Variants in RELT observed in about 807,000 individuals in gnomAD.
The protein encoded by RELT is tumor necrosis factor receptor superfamily member 19L.
In RELT, 37 loss-of-function variants were observed where a neutral mutation model predicts 51.1. The ratio of observed to expected loss-of-function variants is 0.72; its 90% CI spans 0.56 to 0.95. The LOEUF is 0.95. Among genes scored for constraint, RELT ranks in the 40% least tolerant of loss-of-function variants. The pLI, the probability that RELT is intolerant of heterozygous loss-of-function variation, is 0.00. For missense variants in RELT, 535 were observed against 572.6 expected (o/e 0.93, Z 0.67); for synonymous variants, 241 against 235.7 (o/e 1.02, Z -0.21).
chr11:73,389,192 G>T lies in RELT; in HGVS notation c.45+11G>T, dbSNP rs1221339949. On this transcript the variant is annotated intron_variant, in intron 2 of 10. Transcript: ENST00000064780. ...TCCTGCTTCCTTATGGTGAGCTGGGGATGGGCCCTGGGAAGGAGAAAAGCC... is the reference window on the plus strand; with the variant it reads ...TCCTGCTTCCTTATGGTGAGCTGGGTATGGGCCCTGGGAAGGAGAAAAGCC... 3.2e-6 allele frequency: 5 copies of T among 1,539,072 alleles called. No homozygotes were observed. The highest frequency in any genetic ancestry group is 1.4e-5 in the African/African-American group (1 of 72,298).
At chr11:73,383,922 G>GTGGCC (rs1300558218) in intron 1 of RELT, among the ~76,000 whole-genome samples, 4 of 152,230 alleles carry the variant, frequency 2.6e-5, no homozygotes, top group African/African-American at 9.6e-5. Flanking sequence ...GGATTTCTCT[G>GTGGCC]TTGATGGGTG....
At chr11:73,387,637 A>T (rs560376829) in intron 1 of RELT, among the ~76,000 whole-genome samples, 1 of 152,174 alleles carries the variant, frequency 6.6e-6, no homozygotes, top group South Asian at 2.1e-4. Context: ...GAGTCCTGAG[A>T]TGATGTAACT....
chr11:73,393,802 C>A (rs777343163), intron 6 of RELT, 35 bp from the exon 7 acceptor site: 13 of 1,608,060 alleles, frequency 8.1e-6, no homozygotes, highest in African/African-American at 1.3e-5. Flanking sequence ...CGGCTTCCCC[C>A]TCTTCCCCAG....
intron 6 of RELT, chr11:73,393,369 ACCCTTGAGATT>A: frequency 8.8e-7 from 1 of 1,137,552 alleles, no homozygotes; most frequent in Non-Finnish European, 1.1e-6. Flanking sequence ...CCATTCTCAC[ACCCTTGAGATT>A]TGGGCCCAAA....
In RELT at chr11:73,394,341, CG is replaced by C; in HGVS notation, c.788+28del. The stretch of plus-strand genomic sequence containing the variant: ...AAGTGAGTGGGCTGGTGGGAGATAA[CG>C]GGGCCAAAACCTACATTAACCAGCC... On this transcript the variant is annotated intron_variant, in intron 8 of 10. Transcript: ENST00000064780. The surrounding 1 kb of genome is among the most constrained non-coding windows in gnomAD (Gnocchi z 4.9). 6.2e-7 allele frequency: 1 copy of C among 1,612,066 alleles called. No homozygotes were observed. The highest frequency in any genetic ancestry group is 8.5e-7 in the Non-Finnish European group (1 of 1,178,940).
At chr11:73,393,008 A>C in intron 6 of RELT, 1 of 1,003,904 alleles carries the variant, frequency 1.0e-6, no homozygotes, top group East Asian at 9.8e-5. Context: ...CTTCTTCCCC[A>C]CACCACTACT....
chr11:73,393,892 G>C lies in RELT; in HGVS notation c.681G>C (p.Leu227=), dbSNP rs749676159. The change falls in exon 7 of 11, where the codon CTG becomes CTC. Residue 227 remains leucine, a synonymous_variant. Coordinates refer to ENST00000064780, the MANE Select transcript of RELT (RefSeq NM_152222.2). ...EDANEDTIGV[L]VRLITEKKEN... ...CCAATGAGGACACCATTGGGGTCCT[G>C]GTGCGCTTGATCACAGAGAAGAAAG... 4 of 1,613,946 alleles carry C rather than the reference G, an allele frequency of 2.5e-6. No individual in the cohort carries two copies. Among genetic ancestry groups the C allele is most frequent in the Non-Finnish European group, 3.4e-6 (4 of 1,179,880 alleles).
chr11:73,388,381 C>A lies in RELT; in HGVS notation c.-25-731C>A, dbSNP rs972889414. Among the ~76,000 whole-genome samples, 2 of 152,196 alleles carry A rather than the reference C, an allele frequency of 1.3e-5. No homozygotes were observed. The highest frequency in any genetic ancestry group is 4.8e-5 in the African/African-American group (2 of 41,440). ...ACAGAGCACTGGCTGCCGTGACCAC[C>A]CCAGCCCCATAGGTCTGCCAGGGGA... On this transcript the variant is annotated intron_variant, in intron 1 of 10. Transcript: ENST00000064780. The surrounding 1 kb of genome is among the most constrained non-coding windows in gnomAD (Gnocchi z 4.1).
chr11:73,377,269 A>AGTGTGTGTGTGTGT (rs369117500), intron 1 of RELT, among the ~76,000 whole-genome samples: 5,860 of 146,128 alleles, frequency 0.04, 435 homozygotes, highest in African/African-American at 0.15. Context: ...AAGTGGTGTC[A>AGTGTGTGTGTGTGT]GTGTGTGTGT....
At position 73,397,152 on chromosome 11, in the gene RELT, C is replaced by G. The variant is rs1388834333; in HGVS notation, c.*1661C>G. On this transcript the variant is annotated 3_prime_UTR_variant, in exon 11 of 11. Coordinates refer to ENST00000064780, the MANE Select transcript of RELT (RefSeq NM_152222.2). ...CTGAGGAAATGCACTGTGTGGAGCC[C>G]GGGAGGTAATTGGGGGTGAGGAAGA... 2 of 152,284 alleles carry G rather than the reference C, an allele frequency of 1.3e-5. No individual in the cohort carries two copies. The highest frequency in any genetic ancestry group is 2.9e-5 in the Non-Finnish European group (2 of 68,122). 9.4% of individuals were successfully genotyped at this position (152,284 alleles called of 1,614,324 possible).
At chr11:73,377,500 G>T (rs1180843234) in intron 1 of RELT, among the ~76,000 whole-genome samples, 1 of 152,072 alleles carries the variant, frequency 6.6e-6, no homozygotes, top group Non-Finnish European at 1.5e-5. Flanking sequence ...AGAAAGCCGA[G>T]GCTGGGCAAC....
In RELT at chr11:73,394,430, C is replaced by T; in HGVS notation, c.789-47C>T. The T allele has an allele frequency of 6.2e-7, 1 of 1,608,064 alleles. No homozygotes were observed. Among genetic ancestry groups the T allele is most frequent in the South Asian group, 1.1e-5 (1 of 90,814 alleles). On this transcript the variant is annotated intron_variant, in intron 8 of 10. Coordinates refer to ENST00000064780, the MANE Select transcript of RELT (RefSeq NM_152222.2). The surrounding 1 kb of genome is among the most constrained non-coding windows in gnomAD (Gnocchi z 4.9). ...TCACCCTGTTCCCTGCTGGGGTCTC[C>T]TGCCCCTGGCCTGGCCTATGGCCAC...
At chr11:73,392,792 G>A in intron 6 of RELT, 1 of 1,264,368 alleles carries the variant, frequency 7.9e-7, no homozygotes, top group Non-Finnish European at 1.0e-6. Flanking sequence ...TGGCCTTGGA[G>A]TTACTCAAGG....
chr11:73,395,660 G>T lies in RELT; in HGVS notation c.*169G>T. On this transcript the variant is annotated 3_prime_UTR_variant, in exon 11 of 11. Transcript: ENST00000064780. ...TGGGAGCGTCTGCCCCAGTGAGGAG[G>T]CAGGTGGCCGGCGGGCACTGTGTAC... 1.6e-6 allele frequency: 1 copy of T among 645,146 alleles called. No individual in the cohort carries two copies. The allele number at this position is 645,146 out of a possible 1,614,324, so 40.0% of individuals were successfully genotyped here. A position where few individuals can be genotyped will look rare whatever the true frequency, so the allele number is the denominator to read the frequency against.
Position 73,394,901 on chromosome 11 carries a change from C to G in RELT, c.1046+167C>G, listed in dbSNP as rs1866286552. On this transcript the variant is annotated intron_variant, in intron 9 of 10. Coordinates refer to ENST00000064780, the MANE Select transcript of RELT (RefSeq NM_152222.2). This position sits in a 1 kb window ranked among gnomAD's most constrained non-coding sequence, Gnocchi z 4.9. ...AGGCGGCCAGAGAGATCAGGACTTT[C>G]CGGTTATGTTGTGTCTCACATGGAG... 2 of 939,842 alleles carry G rather than the reference C, an allele frequency of 2.1e-6. No individual in the cohort carries two copies. The highest frequency in any genetic ancestry group is 1.6e-6 in the Non-Finnish European group (1 of 636,708). 58.2% of individuals were successfully genotyped at this position (939,842 alleles called of 1,614,324 possible). A position where few individuals can be genotyped will look rare whatever the true frequency, so the allele number is the denominator to read the frequency against.
At position 73,392,200 on chromosome 11, in the gene RELT, G is replaced by A. The variant is rs199889549; in HGVS notation, c.368-11G>A. 49 of 1,610,372 alleles carry A rather than the reference G, an allele frequency of 3.0e-5. No individual in the cohort carries two copies. The highest frequency in any genetic ancestry group is 4.0e-5 in the Non-Finnish European group (47 of 1,178,232). On this transcript the variant is annotated splice_polypyrimidine_tract_variant and intron_variant, in intron 5 of 10. Transcript: ENST00000064780. ...TGCTTTTGTCCTGCCTCCATCGTCT[G>A]TGATGCTCAGAGTGGGGGCGGCGGG...
rs1469524421 is a variant in RELT, at chr11:73,391,891, G to A, written c.368-320G>A. On this transcript the variant is annotated intron_variant, in intron 5 of 10. Transcript: ENST00000064780. ...GCACTAGATTCATGGCCAGGCCACA[G>A]GGAGGCAGATCCCACGTCCCTGTGC... is the stretch of plus-strand genomic sequence containing the variant. 1.5e-5 allele frequency: 7 copies of A among 479,612 alleles called. No homozygotes were observed. In the Admixed American group the frequency reaches 2.4e-4, roughly 16 times the overall value. 29.7% of individuals were successfully genotyped at this position (479,612 alleles called of 1,614,324 possible).
intron 1 of RELT, among the ~76,000 whole-genome samples, chr11:73,381,335 A>G (rs968245076): frequency 8.6e-5 from 13 of 151,790 alleles, no homozygotes; most frequent in African/African-American, 3.1e-4. Context: ...CAGAGGGGGG[A>G]CCTGCGCTTA....
rs937909683 is a variant in RELT, at chr11:73,395,608, G to A, written c.*117G>A. ...ACCGAGAAGCAATGGCCCAGCAGAC[G>A]AGACAGCAAAGACCAAGGCCTGGAG... On this transcript the variant is annotated 3_prime_UTR_variant, in exon 11 of 11. Coordinates refer to ENST00000064780, the MANE Select transcript of RELT (RefSeq NM_152222.2). The A allele has an allele frequency of 3.3e-5, 25 of 750,672 alleles. No individual in the cohort carries two copies. Among genetic ancestry groups the A allele is most frequent in the Admixed American group, 1.8e-4 (10 of 56,410 alleles). 46.5% of individuals were successfully genotyped at this position (750,672 alleles called of 1,614,324 possible).
Sources: gnomAD v4.1 joint callset for allele counts (sites outside exome capture counted in the v4.1 genomes callset) on GRCh38, gnomAD v4.1.1 for gene constraint, Gnocchi (gnomAD v3.1) non-coding constraint, MANE v1.5 for transcripts, NCBI Gene and HGNC (gene_info 2026-07-23, HGNC 2026-07-21) for gene names.